The following MAP3K4 variants were observed in gnomAD, a reference collection of about 807,000 sequenced individuals.
The protein encoded by MAP3K4 is MAP three kinase 1.
Under a neutral mutation model 185.6 loss-of-function variants are expected in MAP3K4, and 67 were observed. The observed-to-expected ratio is 0.36, with a 90% CI of 0.30 to 0.44. The LOEUF is 0.44. Among genes scored for constraint, MAP3K4 ranks in the 20% least tolerant of loss-of-function variants. MAP3K4 has a pLI of 1.00. For missense variants in MAP3K4, 1,551 were observed against 1,995.1 expected (o/e 0.78, Z 4.24); for synonymous variants, 702 against 710.4 (o/e 0.99, Z 0.19).
Position 161,049,995 on chromosome 6 carries a change from G to A in MAP3K4, c.1707+16G>A. 6.4e-7 allele frequency: 1 copy of A among 1,571,976 alleles called. No homozygotes were observed. Among genetic ancestry groups the A allele is most frequent in the Non-Finnish European group, 8.6e-7 (1 of 1,161,304 alleles). Reference sequence around the variant, plus strand: ...TCCAGTGGAGGTAGGTTTCCAGTAGGTATTAATACAATGATATCCTTAGTT... The same window carrying A: ...TCCAGTGGAGGTAGGTTTCCAGTAGATATTAATACAATGATATCCTTAGTT... On this transcript the variant is annotated intron_variant, in intron 3 of 26. Coordinates refer to ENST00000392142, the MANE Select transcript of MAP3K4 (RefSeq NM_005922.4). This position sits in a 1 kb window ranked among gnomAD's most constrained non-coding sequence, Gnocchi z 8.4.
rs368040048 is a variant in MAP3K4, at chr6:160,999,839, G to A, written c.152+7756G>A. 1.4e-4 allele frequency among the ~76,000 whole-genome samples: 21 copies of A among 152,262 alleles called. No homozygotes were observed. In the East Asian group the frequency reaches 2.1e-3, roughly 15 times the overall value. ...TGAATTGGACTCAACAGGATCAAAC[G>A]AGATGAAAGATTTGTTTTTAGAAAA... On this transcript the variant is annotated intron_variant, in intron 1 of 26. Coordinates refer to ENST00000392142, the MANE Select transcript of MAP3K4 (RefSeq NM_005922.4).
Position 161,098,457 on chromosome 6 carries a change from C to T in MAP3K4, c.3674+30C>T. ...TCTCACCCCACCAGTGTCCCGTACC[C>T]TCACCACCCCTTACATGCGCTTACA... is the stretch of plus-strand genomic sequence containing the variant. On this transcript the variant is annotated intron_variant, in intron 17 of 26. Transcript: ENST00000392142. The surrounding 1 kb of genome is among the most constrained non-coding windows in gnomAD (Gnocchi z 4.4). 1 of 1,595,302 alleles carries T rather than the reference C, an allele frequency of 6.3e-7. No individual in the cohort carries two copies. The highest frequency in any genetic ancestry group is 8.6e-7 in the Non-Finnish European group (1 of 1,168,130).
In MAP3K4 at chr6:161,037,794, A is replaced by G. The variant is rs974181589; in HGVS notation, c.343+3345A>G. 3.3e-5 allele frequency among the ~76,000 whole-genome samples: 5 copies of G among 152,162 alleles called. No individual in the cohort carries two copies. In the East Asian group the frequency reaches 7.7e-4, roughly 23 times the overall value. Reference sequence around the variant, plus strand: ...TCTTAAAGCAAAATTAAATAATTACATTGTTGACATATCCTTATTAAATGG... The same window carrying G: ...TCTTAAAGCAAAATTAAATAATTACGTTGTTGACATATCCTTATTAAATGG... On this transcript the variant is annotated intron_variant, in intron 2 of 26. Coordinates refer to ENST00000392142, the MANE Select transcript of MAP3K4 (RefSeq NM_005922.4). This position sits in a 1 kb window ranked among gnomAD's most constrained non-coding sequence, Gnocchi z 4.2.
rs949821946 is a variant in MAP3K4 at position 161,088,396 on chromosome 6, T to C, written c.2823+442T>C. 6.6e-6 allele frequency among the ~76,000 whole-genome samples: 1 copy of C among 152,212 alleles called. No homozygotes were observed. Among genetic ancestry groups the C allele is most frequent in the African/African-American group, 2.4e-5 (1 of 41,440 alleles). On this transcript the variant is annotated intron_variant, in intron 10 of 26. Coordinates refer to ENST00000392142, the MANE Select transcript of MAP3K4 (RefSeq NM_005922.4). This position sits in a 1 kb window ranked among gnomAD's most constrained non-coding sequence, Gnocchi z 4.5. Reference sequence around the variant, plus strand: ...GACAGTTTCTATAACTCATTAGTTATAAACTATGAGAAGCTTTCTCATTTA... The same window carrying C: ...GACAGTTTCTATAACTCATTAGTTACAAACTATGAGAAGCTTTCTCATTTA...
At chr6:161,045,625 A>T (rs1783696342) in intron 2 of MAP3K4, among the ~76,000 whole-genome samples, 1 of 152,194 alleles carries the variant, frequency 6.6e-6, no homozygotes, top group African/African-American at 2.4e-5. Flanking sequence ...AAGTCATTTA[A>T]TCCTTAGTTT....
intron 5 of MAP3K4, among the ~76,000 whole-genome samples, chr6:161,078,673 C>T (rs547636702): frequency 6.6e-5 from 10 of 152,206 alleles, no homozygotes; most frequent in Admixed American, 1.3e-4. Flanking sequence ...GAAAGGGCCA[C>T]TGGAGATGGA....
rs1431469178 is a variant in MAP3K4, at chr6:161,084,849, A to G, written c.2372+232A>G. Among the ~76,000 whole-genome samples, 2 of 152,196 alleles carry G rather than the reference A, an allele frequency of 1.3e-5. No homozygotes were observed. The highest frequency in any genetic ancestry group is 2.4e-5 in the African/African-American group (1 of 41,442). On this transcript the variant is annotated intron_variant, in intron 7 of 26. Coordinates refer to ENST00000392142, the MANE Select transcript of MAP3K4 (RefSeq NM_005922.4). This position sits in a 1 kb window ranked among gnomAD's most constrained non-coding sequence, Gnocchi z 4.6. ...GAACTTAGAATTTATTTAGTGTGATAAAAATAGTGCCAACTGGCTGGGCGC... is the reference window on the plus strand; with the variant it reads ...GAACTTAGAATTTATTTAGTGTGATGAAAATAGTGCCAACTGGCTGGGCGC...
chr6:161,093,631 AC>A lies in MAP3K4; in HGVS notation c.3349-140del. 1 of 584,016 alleles carries A rather than the reference AC, an allele frequency of 1.7e-6. No individual in the cohort carries two copies. Among genetic ancestry groups the A allele is most frequent in the Non-Finnish European group, 3.0e-6 (1 of 328,330 alleles). 36.2% of individuals were successfully genotyped at this position (584,016 alleles called of 1,614,324 possible). On this transcript the variant is annotated intron_variant, in intron 14 of 26. Transcript: ENST00000392142. The surrounding 1 kb of genome is among the most constrained non-coding windows in gnomAD (Gnocchi z 5.2). ...TAAATTACATACAATTTGTGTTTAT[AC>A]CTATTTTCTTTTAAACTAACTGAAA...
intron 1 of MAP3K4, among the ~76,000 whole-genome samples, chr6:161,016,858 A>G (rs1278556955): frequency 6.6e-6 from 1 of 152,238 alleles, no homozygotes; most frequent in East Asian, 1.9e-4. Flanking sequence ...TGCTTAGCAC[A>G]TAATAGCTTT....
intron 2 of MAP3K4, among the ~76,000 whole-genome samples, chr6:161,046,088 A>G (rs932658840): frequency 3.3e-5 from 5 of 152,140 alleles, no homozygotes; most frequent in South Asian, 4.1e-4. Context: ...TGTATGTCCC[A>G]TAGGCACGTC....
chr6:161,043,725 A>G lies in MAP3K4; in HGVS notation c.344-4891A>G, dbSNP rs1366370883. Among the ~76,000 whole-genome samples the G allele has an allele frequency of 6.6e-6, 1 of 152,362 alleles. No individual in the cohort carries two copies. The highest frequency in any genetic ancestry group is 1.9e-4 in the East Asian group (1 of 5,188). On this transcript the variant is annotated intron_variant, in intron 2 of 26. Coordinates refer to ENST00000392142, the MANE Select transcript of MAP3K4 (RefSeq NM_005922.4). This position sits in a 1 kb window ranked among gnomAD's most constrained non-coding sequence, Gnocchi z 4.3. ...TAGCAGGAACGCAGTGATTTCGAAC[A>G]TACACTGAAATTTGAGAAGCTTGAG...
intron 3 of MAP3K4, among the ~76,000 whole-genome samples, chr6:161,055,464 C>T (rs547914728): frequency 5.3e-5 from 8 of 152,298 alleles, no homozygotes; most frequent in African/African-American, 1.7e-4. Context: ...TTCTTATATG[C>T]TCTTCATCCA....
rs1011613604 is a variant in MAP3K4 at position 161,071,741 on chromosome 6, C to T, written c.1950+891C>T. Reference sequence around the variant, plus strand: ...CATCCCTTTGGTTCATACCCAGCACCGCCAGAGCTCTGTTTCCATGTTAGC... The same window carrying T: ...CATCCCTTTGGTTCATACCCAGCACTGCCAGAGCTCTGTTTCCATGTTAGC... On this transcript the variant is annotated intron_variant, in intron 4 of 26. Coordinates refer to ENST00000392142, the MANE Select transcript of MAP3K4 (RefSeq NM_005922.4). This position sits in a 1 kb window ranked among gnomAD's most constrained non-coding sequence, Gnocchi z 4.6. Among the ~76,000 whole-genome samples, 1 of 152,316 alleles carries T rather than the reference C, an allele frequency of 6.6e-6. No homozygotes were observed. Among genetic ancestry groups the T allele is most frequent in the East Asian group, 1.9e-4 (1 of 5,190 alleles).
At chr6:161,105,424 A>T (rs73784789) in intron 19 of MAP3K4, among the ~76,000 whole-genome samples, 3,417 of 152,288 alleles carry the variant, frequency 0.022, 108 homozygotes, top group African/African-American at 0.074. Flanking sequence ...TTAGGTTTTT[A>T]ATGTGTGAGG....
chr6:161,068,731 A>G (rs1013051701), intron 3 of MAP3K4, among the ~76,000 whole-genome samples: 6 of 152,236 alleles, frequency 3.9e-5, no homozygotes, highest in African/African-American at 1.4e-4. Context: ...CTGATAAAGC[A>G]TGTTAAACGT....
Position 161,070,335 on chromosome 6 carries a change from C to G in MAP3K4, c.1708-273C>G, listed in dbSNP as rs112448077. On this transcript the variant is annotated intron_variant, in intron 3 of 26. Coordinates refer to ENST00000392142, the MANE Select transcript of MAP3K4 (RefSeq NM_005922.4). This position sits in a 1 kb window ranked among gnomAD's most constrained non-coding sequence, Gnocchi z 4.5. ...TGAGGCAAAAATGTTAAAGATGAACCTGATTCTTTTTCTAATATACTTCTT... is the reference window on the plus strand; with the variant it reads ...TGAGGCAAAAATGTTAAAGATGAACGTGATTCTTTTTCTAATATACTTCTT... Among the ~76,000 whole-genome samples, 116 of 152,134 alleles carry G rather than the reference C, an allele frequency of 7.6e-4. No individual in the cohort carries two copies. Among genetic ancestry groups the G allele is most frequent in the Admixed American group, 1.8e-3 (27 of 15,284 alleles).
chr6:161,109,940 G>A lies in MAP3K4; in HGVS notation c.4396+26G>A, dbSNP rs751910455. On this transcript the variant is annotated intron_variant, in intron 23 of 26. Coordinates refer to ENST00000392142, the MANE Select transcript of MAP3K4 (RefSeq NM_005922.4). The surrounding 1 kb of genome is among the most constrained non-coding windows in gnomAD (Gnocchi z 5.7). The stretch of plus-strand genomic sequence containing the variant: ...GTAATCCCACACCCGCCTGGCTGCT[G>A]TGGGCCAGAGCCACTGGTACCCAGC... 6.2e-6 allele frequency: 10 copies of A among 1,611,886 alleles called. No individual in the cohort carries two copies. The highest frequency in any genetic ancestry group is 7.6e-6 in the Non-Finnish European group (9 of 1,179,140).
chr6:161,028,365 A>G (rs1782771301), intron 1 of MAP3K4, among the ~76,000 whole-genome samples: 1 of 152,230 alleles, frequency 6.6e-6, no homozygotes, highest in Non-Finnish European at 1.5e-5. Flanking sequence ...GTGGGGGCGT[A>G]GGGATTTCAT....
rs934151604 is a variant in MAP3K4, at chr6:161,116,378, G to A, written c.4807-472G>A. Among the ~76,000 whole-genome samples the A allele has an allele frequency of 9.2e-5, 14 of 151,992 alleles. No homozygotes were observed. The highest frequency in any genetic ancestry group is 3.4e-4 in the African/African-American group (14 of 41,388). ...AGAAGTATTGCTGGGAGGGTCCACA[G>A]AGGACAAGGGGATGAGAACAGAGCC... On this transcript the variant is annotated intron_variant, in intron 26 of 26. Coordinates refer to ENST00000392142, the MANE Select transcript of MAP3K4 (RefSeq NM_005922.4). The surrounding 1 kb of genome is among the most constrained non-coding windows in gnomAD (Gnocchi z 6.2).
Sources: gnomAD v4.1 joint callset for allele counts (sites outside exome capture counted in the v4.1 genomes callset) on GRCh38, gnomAD v4.1.1 for gene constraint, Gnocchi (gnomAD v3.1) non-coding constraint, MANE v1.5 for transcripts, NCBI Gene and HGNC (gene_info 2026-07-23, HGNC 2026-07-21) for gene names.